Variants in CPAMD8 observed in about 807,000 individuals in gnomAD.
CPAMD8 encodes the protein C3 and PZP like alpha-2-macroglobulin domain containing 8.
A neutral mutation model predicts 224.7 loss-of-function variants in CPAMD8; 146 were observed. That is an observed-to-expected ratio of 0.65 (90% CI 0.57 to 0.75). CPAMD8 has a LOEUF of 0.75. CPAMD8 is among the 30% of genes least tolerant of loss of function. The pLI, the probability that CPAMD8 is intolerant of heterozygous loss-of-function variation, is 0.00. For missense variants in CPAMD8, 2,301 were observed against 2,537.5 expected (o/e 0.91, Z 2.00); for synonymous variants, 966 against 1,044.6 (o/e 0.92, Z 1.45).
intron 17 of CPAMD8, among the ~76,000 whole-genome samples, chr19:16,972,572 C>G (rs1393680017): frequency 6.6e-6 from 1 of 152,062 alleles, no homozygotes; most frequent in Admixed American, 6.5e-5. Flanking sequence ...GTAGCTGGGA[C>G]TACTGGCGCC....
chr19:16,896,266 G>A lies in CPAMD8; in HGVS notation c.5336C>T (p.Pro1779Leu). ...TYGDDLASVA[P>L]GPLQQDVKLN... ...CTTCACGTCCTGCTGTAAAGGCCCCGGGGCCACAGAAGCCAGGTCATCCCC... is the reference window on the plus strand; with the variant it reads ...CTTCACGTCCTGCTGTAAAGGCCCCAGGGCCACAGAAGCCAGGTCATCCCC... The change falls in exon 41 of 42, where the codon CCG becomes CTG. Residue 1779 changes from proline to leucine, a missense_variant. Pro to Leu is a moderately conservative substitution (Grantham distance 98). Around this residue, in one of 4 missense-constraint regions of CPAMD8, gnomAD observed 1,709 missense variants for 1,753.2 expected, o/e 0.97. Coordinates refer to ENST00000443236, the MANE Select transcript of CPAMD8 (RefSeq NM_015692.5). 6.2e-7 allele frequency: 1 copy of A among 1,613,432 alleles called. No homozygotes were observed. The highest frequency in any genetic ancestry group is 1.7e-5 in the Admixed American group (1 of 60,022).
intron 13 of CPAMD8, 66 bp downstream of exon 13, chr19:16,989,575 CAG>C: frequency 1.3e-6 from 2 of 1,556,042 alleles, no homozygotes; most frequent in African/African-American, 2.7e-5. Context: ...GCATGAGCCA[CAG>C]CACCTGGCTC....
At chr19:16,935,499 T>G (rs530517440) in intron 23 of CPAMD8, among the ~76,000 whole-genome samples, 4 of 152,356 alleles carry the variant, frequency 2.6e-5, no homozygotes, top group African/African-American at 9.6e-5. Context: ...ATAAATGGAA[T>G]AATTCATGTA....
chr19:16,942,785 C>T (rs2053944497), intron 22 of CPAMD8, among the ~76,000 whole-genome samples: 1 of 152,204 alleles, frequency 6.6e-6, no homozygotes, highest in South Asian at 2.1e-4. Flanking sequence ...TGGTTCCAAC[C>T]TCCTTTGTCT....
intron 41 of CPAMD8, chr19:16,894,658 T>C (rs1236784660): frequency 8.6e-6 from 3 of 349,088 alleles, no homozygotes; most frequent in African/African-American, 6.4e-5. Context: ...GGGCTCTGGG[T>C]GTCCATGTGC....
chr19:16,976,680 AAC>A (rs2055286044), intron 15 of CPAMD8, among the ~76,000 whole-genome samples: 1 of 151,874 alleles, frequency 6.6e-6, no homozygotes, highest in Non-Finnish European at 1.5e-5. Flanking sequence ...CAAAGAAGGG[AAC>A]ACAGAGGGAC....
In CPAMD8 at chr19:16,903,756, G is replaced by A; in HGVS notation, c.4353C>T (p.Tyr1451=). The change falls in exon 33 of 42, where the codon TAC becomes TAT. Residue 1451 remains tyrosine (Y), a synonymous_variant. Coordinates refer to ENST00000443236, the MANE Select transcript of CPAMD8 (RefSeq NM_015692.5). ...TVSLASTNLD[Y]QETFELHRTN... is the part of the protein sequence containing the mutation. ...TCCTGTGCAGCTCGAAGGTTTCCTGGTAGTCCAGGTTGGTGGAGGCCAGGG... is the reference window on the plus strand; with the variant it reads ...TCCTGTGCAGCTCGAAGGTTTCCTGATAGTCCAGGTTGGTGGAGGCCAGGG... 1 of 1,614,198 alleles carries A rather than the reference G, an allele frequency of 6.2e-7. No individual in the cohort carries two copies. The highest frequency in any genetic ancestry group is 8.5e-7 in the Non-Finnish European group (1 of 1,180,036).
chr19:17,005,363 G>A (rs906902145), intron 7 of CPAMD8, among the ~76,000 whole-genome samples: 1 of 152,076 alleles, frequency 6.6e-6, no homozygotes, highest in Non-Finnish European at 1.5e-5. Flanking sequence ...TCCCCTGGGG[G>A]CAGAATCGCC....
intron 3 of CPAMD8, among the ~76,000 whole-genome samples, chr19:17,017,550 G>A (rs556316935): frequency 3.9e-5 from 6 of 152,252 alleles, no homozygotes; most frequent in Admixed American, 1.3e-4. Context: ...GGGATCCTGC[G>A]CATTGTAAGA....
rs1568595788 is a variant in CPAMD8, at chr19:17,008,573, A to G, written c.505-14T>C. ...GCCTCGGGGGTCCTGTTGGTGGTGGAGGGGGACAGACACACGGAGTGAACT... is the reference window on the plus strand; with the variant it reads ...GCCTCGGGGGTCCTGTTGGTGGTGGGGGGGGACAGACACACGGAGTGAACT... On this transcript the variant is annotated splice_polypyrimidine_tract_variant and intron_variant, in intron 6 of 41. Transcript: ENST00000443236. The G allele has an allele frequency of 1.2e-6, 2 of 1,613,950 alleles. No homozygotes were observed. The highest frequency in any genetic ancestry group is 4.5e-5 in the East Asian group (2 of 44,862).
intron 17 of CPAMD8, among the ~76,000 whole-genome samples, chr19:16,971,367 T>A (rs1279581668): frequency 6.6e-6 from 1 of 152,090 alleles, no homozygotes; most frequent in Non-Finnish European, 1.5e-5. Flanking sequence ...TGGGGCATCA[T>A]TCTTTTACTC....
rs147605977 is a variant in CPAMD8 at position 17,000,891 on chromosome 19, C to T, written c.759-369G>A. Reference sequence around the variant, plus strand: ...TTAAGCTCGACTTTGAACCAAGGACCGAACTTCTCTGAGCCTGTTTCCTCA... The same window carrying T: ...TTAAGCTCGACTTTGAACCAAGGACTGAACTTCTCTGAGCCTGTTTCCTCA... On this transcript the variant is annotated intron_variant, in intron 9 of 41. Transcript: ENST00000443236. Among the ~76,000 whole-genome samples, 662 of 152,248 alleles carry T rather than the reference C, an allele frequency of 4.3e-3. 1 individual carries two copies. The highest frequency in any genetic ancestry group is 0.02 in the Middle Eastern group (6 of 294).
At chr19:16,946,649 T>C (rs79983968) in intron 21 of CPAMD8, among the ~76,000 whole-genome samples, 1,966 of 149,678 alleles carry the variant, frequency 0.013, 46 homozygotes, top group African/African-American at 0.045. Flanking sequence ...CATGGGGACA[T>C]GTGTGTGGAT....
chr19:16,969,797 C>A (rs1568542240), intron 18 of CPAMD8, among the ~76,000 whole-genome samples: 1 of 143,284 alleles, frequency 7.0e-6, no homozygotes, highest in African/African-American at 2.7e-5. Context: ...TCACTTGAAT[C>A]TGGGAGGTGG....
At chr19:16,911,870 G>A (rs2052742403) in intron 29 of CPAMD8, among the ~76,000 whole-genome samples, 1 of 152,042 alleles carries the variant, frequency 6.6e-6, no homozygotes, top group African/African-American at 2.4e-5. Context: ...GTAGAGACAG[G>A]GTTTCATCAT....
rs1452272073 is a variant in CPAMD8, at chr19:16,904,312, G to C, written c.4165C>G (p.Leu1389Val). ...MTAYALLTYT[L>V]LGDVAAALPV... ...AGGGCGGCAGCCACGTCACCCAGCAGAGTGTAGGTCAGAAGGGCGTAGGCT... is the reference window on the plus strand; with the variant it reads ...AGGGCGGCAGCCACGTCACCCAGCACAGTGTAGGTCAGAAGGGCGTAGGCT... The change falls in exon 32 of 42, where the codon CTG (leucine) becomes GTG (valine). Residue 1389 changes from leucine to valine, a missense_variant. Transcript: ENST00000443236. 6 of 1,613,828 alleles carry C rather than the reference G, an allele frequency of 3.7e-6. No individual in the cohort carries two copies. Among genetic ancestry groups the C allele is most frequent in the Admixed American group, 1.7e-5 (1 of 60,020 alleles).
intron 6 of CPAMD8, among the ~76,000 whole-genome samples, chr19:17,008,937 C>CAA (rs901310111): frequency 6.6e-6 from 1 of 150,954 alleles, no homozygotes; most frequent in African/African-American, 2.4e-5. Context: ...AAAAAAGATA[C>CAA]AAAAAAAAAT....
chr19:16,987,182 ATATATATATATATAT>A (rs2055771124), intron 13 of CPAMD8, among the ~76,000 whole-genome samples: 1 of 61,836 alleles, frequency 1.6e-5, no homozygotes, highest in African/African-American at 7.2e-5. Flanking sequence ...AAAAAAAAAT[ATATATATATATATAT>A]ATATATATAT....
chr19:16,904,176 A>AGGCCCCCCCCCCCCCCCCCCCGC, intron 32 of CPAMD8, 50 bp downstream of exon 32: 1 of 937,340 alleles, frequency 1.1e-6, no homozygotes, highest in Non-Finnish European at 1.7e-6. Context: ...GACTGCAGGG[A>AGGCCCCCCCCCCCCCCCCCCCGC]CCCCACCCAC....
Sources: allele counts gnomAD v4.1 joint callset (sites outside exome capture counted in the v4.1 genomes callset), GRCh38; gene constraint gnomAD v4.1.1; regional missense constraint gnomAD v4.1.1; transcripts MANE v1.5; gene names NCBI Gene and HGNC (gene_info 2026-07-23, HGNC 2026-07-21).